Variants in MGLL observed in about 807,000 individuals in gnomAD.
The protein encoded by MGLL is lysophospholipase homolog.
In MGLL, 7 loss-of-function variants were observed where a neutral mutation model predicts 29.1. The ratio of observed to expected loss-of-function variants is 0.24; its 90% CI spans 0.14 to 0.45. The LOEUF is 0.45. Among genes scored for constraint, MGLL ranks in the 20% least tolerant of loss-of-function variants. MGLL has a pLI of 0.99. For missense variants in MGLL, 356 were observed against 413.6 expected, an observed-to-expected ratio of 0.86 and a Z score of 1.21; for synonymous variants, 148 against 168.3, an observed-to-expected ratio of 0.88 and a Z score of 0.93.
chr3:127,748,211 G>C (rs895735136), intron 3 of MGLL, among the ~76,000 whole-genome samples: 1 of 152,122 alleles, frequency 6.6e-6, no homozygotes, highest in African/African-American at 2.4e-5. Context: ...ACCCAGACTA[G>C]GGTGGCCTCC....
In MGLL at chr3:127,721,114, G is replaced by A. The variant is rs778761030; in HGVS notation, c.449C>T (p.Ala150Val). Residue 150 changes from alanine to valine, a missense_variant, in exon 5 of 8, where the codon GCC becomes GTC. Transcript: ENST00000265052. ...LTAAERPGHF[A>V]GMVLISPLVL... ...CAGAGGCGAAATGAGTACCATGCCG[G>A]CGAAGTGGCCCGGCCTCTCTGCGGC... 1 of 1,614,252 alleles carries A rather than the reference G, an allele frequency of 6.2e-7. No individual in the cohort carries two copies. The highest frequency in any genetic ancestry group is 1.1e-5 in the South Asian group (1 of 91,086).
intron 2 of MGLL, among the ~76,000 whole-genome samples, chr3:127,797,288 G>A (rs936231622): frequency 1.1e-4 from 16 of 151,938 alleles, no homozygotes; most frequent in African/African-American, 2.9e-4. Flanking sequence ...GAACACCTGG[G>A]CAAAGCTGAG....
At chr3:127,792,481 A>G (rs1212255379) in intron 2 of MGLL, among the ~76,000 whole-genome samples, 1 of 152,112 alleles carries the variant, frequency 6.6e-6, no homozygotes, top group Non-Finnish European at 1.5e-5. Context: ...AGGAGGTCAG[A>G]TCATGAGGTC....
Position 127,692,339 on chromosome 3 carries a change from ACACGGAATCAGAGCTG to A in MGLL, c.817-32_817-17del. 6.2e-7 allele frequency: 1 copy of A among 1,613,956 alleles called. No individual in the cohort carries two copies. Among genetic ancestry groups the A allele is most frequent in the Non-Finnish European group, 8.5e-7 (1 of 1,179,974 alleles). On this transcript the variant is annotated splice_polypyrimidine_tract_variant and intron_variant, in intron 7 of 7. Coordinates refer to ENST00000265052, the MANE Select transcript of MGLL (RefSeq NM_007283.7). ...CTTCATAAATCTGCAATGAGGAGAG[ACACGGAATCAGAGCTG>A]CACCATCAGAGGCAGGTGCAGGGAG...
chr3:127,743,572 T>TAACA (rs754875144), intron 3 of MGLL, among the ~76,000 whole-genome samples: 1 of 40,698 alleles, frequency 2.5e-5, no homozygotes, highest in Non-Finnish European at 4.0e-5. Flanking sequence ...CCACTAATGC[T>TAACA]AAAAAAAAAA....
At chr3:127,789,655 G>A (rs1049608456) in intron 2 of MGLL, among the ~76,000 whole-genome samples, 19 of 151,776 alleles carry the variant, frequency 1.3e-4, no homozygotes, top group Non-Finnish European at 1.5e-5. Flanking sequence ...TCATGATCAC[G>A]CCACTGCACT....
At chr3:127,742,143 G>C (rs1041629528) in intron 3 of MGLL, among the ~76,000 whole-genome samples, 2 of 152,158 alleles carry the variant, frequency 1.3e-5, no homozygotes, top group Admixed American at 1.3e-4. Context: ...TTTTCAACTT[G>C]ACATTTCATT....
intron 7 of MGLL, among the ~76,000 whole-genome samples, chr3:127,693,336 G>A (rs1213193208): frequency 1.3e-5 from 2 of 152,154 alleles, no homozygotes; most frequent in East Asian, 1.9e-4. Context: ...CCAAGGCCAC[G>A]GGGGGATGCT....
rs112476702 is a variant in MGLL, at chr3:127,818,378, CT to C, written c.155+3315del. Among the ~76,000 whole-genome samples the C allele has an allele frequency of 3.6e-3, 513 of 141,200 alleles. 2 individuals carry two copies. The highest frequency in any genetic ancestry group is 0.021 in the East Asian group (103 of 4,962). The allele number at this position is 141,200 out of a possible 152,430, so 92.6% of individuals were successfully genotyped here. A position where few individuals can be genotyped will look rare whatever the true frequency, so the allele number is the denominator to read the frequency against. ...TTCAGAAGGGATACCTATCTCTAAT[CT>C]TTTTTTTTTTTTAAGAGACAGAATT... On this transcript the variant is annotated intron_variant, in intron 2 of 7. Transcript: ENST00000265052.
chr3:127,711,915 G>A (rs2075721712), intron 5 of MGLL: 2 of 152,134 alleles, frequency 1.3e-5, no homozygotes, highest in Non-Finnish European at 2.9e-5. Flanking sequence ...GTAGAGACGG[G>A]GTTTCACCAT....
chr3:127,748,429 G>GGA (rs368580991), intron 3 of MGLL, among the ~76,000 whole-genome samples: 82 of 113,084 alleles, frequency 7.3e-4, no homozygotes, highest in East Asian at 2.2e-3. Context: ...AGAGAGAGAG[G>GGA]GAGAGAGAGA....
rs116283083 is a variant in MGLL, at chr3:127,729,455, C to A, written c.263-6889G>T. ...TTGTCTTGGTGTAGGGTAGGAGATA[C>A]CCATCTTTTACCAGACCTTTTTTTC... On this transcript the variant is annotated intron_variant, in intron 3 of 7. Coordinates refer to ENST00000265052, the MANE Select transcript of MGLL (RefSeq NM_007283.7). Among the ~76,000 whole-genome samples, 986 of 152,192 alleles carry A rather than the reference C, an allele frequency of 6.5e-3. 16 individuals are homozygous for A. The highest frequency in any genetic ancestry group is 0.023 in the African/African-American group (955 of 41,514).
At chr3:127,747,438 C>T (rs1284420438) in intron 3 of MGLL, among the ~76,000 whole-genome samples, 4 of 152,242 alleles carry the variant, frequency 2.6e-5, no homozygotes, top group Admixed American at 6.5e-5. Flanking sequence ...CAGACCCCTG[C>T]TGGACTGTGT....
chr3:127,768,949 A>C (rs2076902602), intron 3 of MGLL, among the ~76,000 whole-genome samples: 1 of 152,150 alleles, frequency 6.6e-6, no homozygotes, highest in Admixed American at 6.5e-5. Context: ...TGCTGGTTTG[A>C]CCAGAATCAC....
At chr3:127,753,558 G>A (rs968968015) in intron 3 of MGLL, among the ~76,000 whole-genome samples, 1 of 152,210 alleles carries the variant, frequency 6.6e-6, no homozygotes, top group Non-Finnish European at 1.5e-5. Context: ...CGTGCTGGGC[G>A]CTTCTGCAGA....
Position 127,821,851 on chromosome 3 carries a change from G to C in MGLL, c.11-13C>G, listed in dbSNP as rs2107766485. On this transcript the variant is annotated splice_polypyrimidine_tract_variant and intron_variant, in intron 1 of 7. Transcript: ENST00000265052. ...GGGTCTTCAGGTCCTAGAAGGAAAA[G>C]TGACATATTCCAAAGTCAGAAATAT... 6.2e-7 allele frequency: 1 copy of C among 1,612,400 alleles called. No individual in the cohort carries two copies. Among genetic ancestry groups the C allele is most frequent in the Non-Finnish European group, 8.5e-7 (1 of 1,178,684 alleles).
intron 3 of MGLL, among the ~76,000 whole-genome samples, chr3:127,724,446 G>C (rs753925586): frequency 6.6e-6 from 1 of 152,298 alleles, no homozygotes; most frequent in East Asian, 1.9e-4. Flanking sequence ...ACCATGTTGT[G>C]TTTATCCATT....
chr3:127,705,395 A>G (rs1360640508), intron 6 of MGLL, among the ~76,000 whole-genome samples: 3 of 144,370 alleles, frequency 2.1e-5, no homozygotes, highest in African/African-American at 8.3e-5. Context: ...AAATTAAACT[A>G]AAAAAAAAAG....
At chr3:127,751,492 T>C (rs761271108) in intron 3 of MGLL, among the ~76,000 whole-genome samples, 1 of 151,834 alleles carries the variant, frequency 6.6e-6, no homozygotes, top group African/African-American at 2.4e-5. Context: ...CTCTCTTGCA[T>C]CTGTCACCCC....
Sources: allele counts gnomAD v4.1 joint callset (sites outside exome capture counted in the v4.1 genomes callset), GRCh38; gene constraint gnomAD v4.1.1; transcripts MANE v1.5; gene names NCBI Gene and HGNC (gene_info 2026-07-23, HGNC 2026-07-21).